The following AIG1 variants were observed in gnomAD, a reference collection of about 807,000 sequenced individuals.
The protein encoded by AIG1 is androgen induced 1, also known as androgen-induced gene 1 protein.
AIG1 carries 23 observed loss-of-function variants against 31.4 expected under a neutral mutation model. The ratio of observed to expected loss-of-function variants is 0.73; its 90% CI spans 0.53 to 1.04. The LOEUF (loss-of-function observed/expected upper bound fraction) is 1.04. Among genes scored for constraint, AIG1 ranks in the 50% least tolerant of loss-of-function variants. The pLI is 0.00. For missense variants in AIG1, 274 were observed against 295.0 expected, an observed-to-expected ratio of 0.93 and a Z score of 0.52; for synonymous variants, 100 against 110.5, an observed-to-expected ratio of 0.90 and a Z score of 0.60.
chr6:143,266,787 T>C (rs961523326), intron 3 of AIG1, among the ~76,000 whole-genome samples: 4 of 151,722 alleles, frequency 2.6e-5, no homozygotes, highest in Non-Finnish European at 5.9e-5. Context: ...CTACAAAAAA[T>C]AAATTAGCTG....
At chr6:143,282,984 A>C (rs1285702805) in intron 3 of AIG1, among the ~76,000 whole-genome samples, 5 of 152,220 alleles carry the variant, frequency 3.3e-5, no homozygotes, top group African/African-American at 1.2e-4. Context: ...GCTGTTTAGG[A>C]AGTACTAAAT....
At chr6:143,193,541 C>T (rs1036419382) in intron 3 of AIG1, among the ~76,000 whole-genome samples, 1 of 152,206 alleles carries the variant, frequency 6.6e-6, no homozygotes, top group Non-Finnish European at 1.5e-5. Context: ...TAGAAGTGAA[C>T]AATAACTATT....
intron 3 of AIG1, among the ~76,000 whole-genome samples, chr6:143,196,394 CA>C (rs34168075): frequency 4.9e-5 from 7 of 143,466 alleles, no homozygotes; most frequent in African/African-American, 1.5e-4. Flanking sequence ...CACACACACA[CA>C]CCCCAATTTG....
rs113653498 is a variant in AIG1 at position 143,194,251 on chromosome 6, G to A, written c.399+29068G>A. ...AGGCGTGTCTTACATGGCGGCAGGT[G>A]AGAAAGAGCAAGCATGTGAAGGAAG... On this transcript the variant is annotated intron_variant, in intron 3 of 5. Coordinates refer to ENST00000357847, the MANE Select transcript of AIG1 (RefSeq NM_016108.4). 9.3e-3 allele frequency among the ~76,000 whole-genome samples: 1,417 copies of A among 152,312 alleles called. 27 individuals carry two copies. The highest frequency in any genetic ancestry group is 0.032 in the African/African-American group (1,342 of 41,564).
At chr6:143,225,847 C>T (rs565327382) in intron 3 of AIG1, among the ~76,000 whole-genome samples, 8 of 152,140 alleles carry the variant, frequency 5.3e-5, no homozygotes, top group Admixed American at 2.0e-4. Flanking sequence ...ATTTTAGAGG[C>T]GAATTTGTAT....
chr6:143,304,917 C>A (rs528846374), intron 4 of AIG1, among the ~76,000 whole-genome samples: 2 of 152,286 alleles, frequency 1.3e-5, no homozygotes, highest in South Asian at 4.1e-4. Flanking sequence ...TGTTATTGGT[C>A]TATTCAGAGA....
At chr6:143,222,160 T>C (rs562669155) in intron 3 of AIG1, among the ~76,000 whole-genome samples, 2 of 152,298 alleles carry the variant, frequency 1.3e-5, no homozygotes, top group African/African-American at 4.8e-5. Context: ...ATGAGGATTA[T>C]GTTTCTGTAG....
At chr6:143,317,290 G>A (rs1775834919) in intron 4 of AIG1, among the ~76,000 whole-genome samples, 1 of 151,994 alleles carries the variant, frequency 6.6e-6, no homozygotes. Flanking sequence ...AACACCATAT[G>A]AAAAAGATAA....
intron 4 of AIG1, among the ~76,000 whole-genome samples, chr6:143,307,853 C>T (rs1348305483): frequency 1.6e-4 from 25 of 152,246 alleles, no homozygotes; most frequent in Admixed American, 1.6e-3. Flanking sequence ...CTGTGGTGGG[C>T]TCCACCCAGT....
chr6:143,342,764 C>A, downstream of AIG1: 1 of 816,112 alleles, frequency 1.2e-6, no homozygotes, highest in East Asian at 2.4e-5. Flanking sequence ...GGTATCATAG[C>A]TGCAAACGTC....
upstream of AIG1, chr6:143,060,839 G>T (rs916158978): frequency 1.6e-5 from 13 of 833,140 alleles, no homozygotes; most frequent in African/African-American, 4.6e-5. Flanking sequence ...CCGCGCCCGG[G>T]TTCCCACGGC....
At chr6:143,232,013 C>G (rs1793479818) in intron 3 of AIG1, among the ~76,000 whole-genome samples, 1 of 152,160 alleles carries the variant, frequency 6.6e-6, no homozygotes, top group African/African-American at 2.4e-5. Flanking sequence ...CAGGGGATCT[C>G]TCCATTTAAT....
intron 1 of AIG1, among the ~76,000 whole-genome samples, chr6:143,123,742 A>C (rs1159670923): frequency 2.0e-5 from 3 of 152,164 alleles, no homozygotes; most frequent in Non-Finnish European, 4.4e-5. Context: ...GAATTCTGAT[A>C]TGAGCAGGAA....
At chr6:143,309,186 A>C (rs935180617) in intron 4 of AIG1, among the ~76,000 whole-genome samples, 4 of 152,076 alleles carry the variant, frequency 2.6e-5, no homozygotes, top group Admixed American at 1.3e-4. Flanking sequence ...ATATCTAGGG[A>C]AATTATCTTT....
intron 3 of AIG1, among the ~76,000 whole-genome samples, chr6:143,252,615 T>C (rs1795086863): frequency 6.6e-6 from 1 of 152,240 alleles, no homozygotes; most frequent in Non-Finnish European, 1.5e-5. Flanking sequence ...GGTTGTGGGC[T>C]AACCCGAACA....
At chr6:143,133,123 C>T (rs1002995588) in intron 1 of AIG1, among the ~76,000 whole-genome samples, 9 of 151,904 alleles carry the variant, frequency 5.9e-5, no homozygotes, top group Admixed American at 1.3e-4. Context: ...GGACATTGTG[C>T]GCTATGTTGT....
At chr6:143,100,766 A>C (rs896359660) in intron 1 of AIG1, among the ~76,000 whole-genome samples, 3 of 151,844 alleles carry the variant, frequency 2.0e-5, no homozygotes, top group African/African-American at 7.3e-5. Flanking sequence ...ACTCACTGCA[A>C]CCTATGCCTC....
chr6:143,326,683 C>T lies in AIG1; in HGVS notation c.516-6599C>T, dbSNP rs75350744. 0.025 allele frequency among the ~76,000 whole-genome samples: 3,771 copies of T among 152,092 alleles called. 81 individuals carry two copies. The highest frequency in any genetic ancestry group is 0.057 in the East Asian group (298 of 5,186). ...TCTGATGGATCAGGGGAGACTTTCC[C>T]GGAGTAAGTGATAATTGATCAGTTG... On this transcript the variant is annotated intron_variant, in intron 4 of 5. Transcript: ENST00000357847. The surrounding 1 kb of genome is among the most constrained non-coding windows in gnomAD (Gnocchi z 4.5).
At chr6:143,196,395 A>ACACACACACACACC (rs1554256854) in intron 3 of AIG1, among the ~76,000 whole-genome samples, 1 of 136,758 alleles carries the variant, frequency 7.3e-6, no homozygotes, top group Admixed American at 7.5e-5. Context: ...ACACACACAC[A>ACACACACACACACC]CCCCAATTTG....
Sources: gnomAD v4.1 joint callset for allele counts (sites outside exome capture counted in the v4.1 genomes callset) on GRCh38, gnomAD v4.1.1 for gene constraint, Gnocchi (gnomAD v3.1) non-coding constraint, MANE v1.5 for transcripts, NCBI Gene and HGNC (gene_info 2026-07-23, HGNC 2026-07-21) for gene names.